The following ZNF804B variants were observed in gnomAD, a reference collection of about 807,000 sequenced individuals.
ZNF804B encodes the protein zinc finger 804B.
A neutral mutation model predicts 101.4 loss-of-function variants in ZNF804B; 80 were observed. The ratio of observed to expected loss-of-function variants is 0.79; its 90% CI spans 0.66 to 0.95. The LOEUF (loss-of-function observed/expected upper bound fraction) is 0.95, where lower values mean the gene tolerates loss of function less well. ZNF804B is among the 40% of genes least tolerant of loss of function. The probability of loss-of-function intolerance (pLI) is 0.00; values close to 1 mark genes in which losing one functional copy is unlikely to be tolerated. For missense variants in ZNF804B, 1,673 were observed against 1,561.9 expected (o/e 1.07, Z -1.20); for synonymous variants, 622 against 558.8 (o/e 1.11, Z -1.59).
chr7:88,854,977 G>A (rs1463572076), intron 1 of ZNF804B, among the ~76,000 whole-genome samples: 4 of 151,774 alleles, frequency 2.6e-5, no homozygotes. Flanking sequence ...GTGTATATGT[G>A]CCACATTTTC....
Position 89,334,366 on chromosome 7 carries a change from C to G in ZNF804B, c.1384C>G (p.Leu462Val). Reference protein sequence around the residue: ...HTTLQWPTELLLFTKTEPCIS... With the variant: ...HTTLQWPTELVLFTKTEPCIS... ...CACTCTTCAATGGCCTACGGAACTT[C>G]TGCTCTTTACAAAAACAGAACCCTG... is the stretch of plus-strand genomic sequence containing the variant. The change falls in exon 4 of 4, where the codon CTG becomes GTG. Residue 462 changes from leucine (L) to valine (V), a missense_variant. Transcript: ENST00000333190. The G allele has an allele frequency of 6.2e-7, 1 of 1,613,826 alleles. No individual in the cohort carries two copies. The highest frequency in any genetic ancestry group is 8.5e-7 in the Non-Finnish European group (1 of 1,179,842).
At position 88,972,747 on chromosome 7, in the gene ZNF804B, C is replaced by CA. The variant is rs764193032; in HGVS notation, c.108+212673dup. 2.0e-3 allele frequency among the ~76,000 whole-genome samples: 282 copies of CA among 143,432 alleles called. 1 individual carries two copies. The highest frequency in any genetic ancestry group is 3.1e-3 in the East Asian group (15 of 4,876). 94.1% of individuals were successfully genotyped at this position (143,432 alleles called of 152,430 possible). A position where few individuals can be genotyped will look rare whatever the true frequency, so the allele number is the denominator to read the frequency against. On this transcript the variant is annotated intron_variant, in intron 1 of 3. Transcript: ENST00000333190. ...ACTATTTGAAGATTACTGAGTCTGA[C>CA]AAAAAAAAAACCAGAACTCCAAGGG...
intron 2 of ZNF804B, among the ~76,000 whole-genome samples, chr7:89,276,796 T>G (rs2115854349): frequency 1.3e-5 from 2 of 152,006 alleles, no homozygotes; most frequent in Non-Finnish European, 2.9e-5. Context: ...CATTTTAAAC[T>G]TAATCATATA....
intron 1 of ZNF804B, among the ~76,000 whole-genome samples, chr7:89,118,965 T>G (rs899294551): frequency 3.3e-5 from 5 of 152,204 alleles, no homozygotes; most frequent in Non-Finnish European, 7.4e-5. Context: ...AATTCTATTG[T>G]GCATTTCCAG....
At chr7:89,226,404 T>G (rs928662646) in intron 2 of ZNF804B, among the ~76,000 whole-genome samples, 1 of 152,140 alleles carries the variant, frequency 6.6e-6, no homozygotes, top group African/African-American at 2.4e-5. Context: ...AATAATATGC[T>G]AGAATTAAAC....
intron 2 of ZNF804B, among the ~76,000 whole-genome samples, chr7:89,280,635 A>C (rs1276919656): frequency 1.3e-5 from 2 of 152,240 alleles, no homozygotes; most frequent in Admixed American, 1.3e-4. Context: ...ACCTCTATGC[A>C]AATAAACTAG....
intron 1 of ZNF804B, among the ~76,000 whole-genome samples, chr7:88,775,699 G>A (rs1790131366): frequency 6.6e-6 from 1 of 152,124 alleles, no homozygotes; most frequent in African/African-American, 2.4e-5. Context: ...TTAATTTTCA[G>A]TTCTTCTCTT....
chr7:88,854,218 CGAT>C (rs1791494121), intron 1 of ZNF804B, among the ~76,000 whole-genome samples: 1 of 151,966 alleles, frequency 6.6e-6, no homozygotes, highest in Non-Finnish European at 1.5e-5. Flanking sequence ...TTAAATAACT[CGAT>C]GATGAATTCA....
At chr7:88,845,320 C>CACACAA (rs761680312) in intron 1 of ZNF804B, among the ~76,000 whole-genome samples, 1 of 151,236 alleles carries the variant, frequency 6.6e-6, no homozygotes, top group South Asian at 2.1e-4. Flanking sequence ...CACACACACA[C>CACACAA]AATAACAACA....
rs368112102 is a variant in ZNF804B, at chr7:89,188,430, G to A, written c.109-29725G>A. Among the ~76,000 whole-genome samples the A allele has an allele frequency of 2.8e-4, 43 of 151,948 alleles. No homozygotes were observed. In the South Asian group the frequency reaches 4.4e-3, roughly 15 times the overall value. On this transcript the variant is annotated intron_variant, in intron 1 of 3. Coordinates refer to ENST00000333190, the MANE Select transcript of ZNF804B (RefSeq NM_181646.5). ...TGAGACACAATAATATTGAAATTAC[G>A]TCGATTTTTAATCCTGCAATGACCT... is the stretch of plus-strand genomic sequence containing the variant.
At chr7:88,852,944 G>A (rs918147425) in intron 1 of ZNF804B, among the ~76,000 whole-genome samples, 1 of 151,990 alleles carries the variant, frequency 6.6e-6, no homozygotes, top group African/African-American at 2.4e-5. Flanking sequence ...GAGGACCCAT[G>A]GCTAATCATC....
intron 1 of ZNF804B, among the ~76,000 whole-genome samples, chr7:88,991,603 A>G (rs953938700): frequency 1.3e-5 from 2 of 152,154 alleles, no homozygotes; most frequent in Non-Finnish European, 2.9e-5. Flanking sequence ...AGAATGAACA[A>G]TGGCTCAAGG....
At chr7:89,216,295 G>C (rs1349632136) in intron 1 of ZNF804B, among the ~76,000 whole-genome samples, 3 of 152,190 alleles carry the variant, frequency 2.0e-5, no homozygotes, top group Non-Finnish European at 4.4e-5. Context: ...ACGACAGAGT[G>C]AAACTCCATC....
chr7:88,785,482 G>A (rs1790287919), intron 1 of ZNF804B, among the ~76,000 whole-genome samples: 2 of 152,006 alleles, frequency 1.3e-5, no homozygotes, highest in South Asian at 4.2e-4. Context: ...CATCCGATCT[G>A]TTTCCCACAA....
chr7:89,280,911 A>T (rs1273357599), intron 2 of ZNF804B, among the ~76,000 whole-genome samples: 2 of 152,166 alleles, frequency 1.3e-5, no homozygotes, highest in African/African-American at 4.8e-5. Context: ...TTTATAAAGG[A>T]GTTTTTTTCA....
intron 1 of ZNF804B, among the ~76,000 whole-genome samples, chr7:88,814,408 G>A (rs1396404842): frequency 6.7e-6 from 1 of 150,334 alleles, no homozygotes; most frequent in Non-Finnish European, 1.5e-5. Flanking sequence ...TCTAGTCATA[G>A]AACCATATGA....
intron 1 of ZNF804B, among the ~76,000 whole-genome samples, chr7:89,111,211 A>T (rs1790211071): frequency 6.6e-6 from 1 of 152,236 alleles, no homozygotes; most frequent in South Asian, 2.1e-4. Flanking sequence ...TTTTGTATGG[A>T]CATAAAAGTA....
At chr7:88,903,421 G>A (rs1415429384) in intron 1 of ZNF804B, among the ~76,000 whole-genome samples, 1 of 152,154 alleles carries the variant, frequency 6.6e-6, no homozygotes, top group African/African-American at 2.4e-5. Context: ...ATATGCACAT[G>A]CATGTGTCTT....
At chr7:88,868,806 C>G (rs899897572) in intron 1 of ZNF804B, among the ~76,000 whole-genome samples, 5 of 152,296 alleles carry the variant, frequency 3.3e-5, no homozygotes, top group South Asian at 2.1e-4. Flanking sequence ...AGCAAAGTAG[C>G]TTTGAAATGC....
Sources: allele counts gnomAD v4.1 joint callset (sites outside exome capture counted in the v4.1 genomes callset), GRCh38; gene constraint gnomAD v4.1.1; transcripts MANE v1.5; gene names NCBI Gene and HGNC (gene_info 2026-07-23, HGNC 2026-07-21).